The following PPP4R2 variants were observed in gnomAD, a reference collection of about 807,000 sequenced individuals.
PPP4R2 encodes the protein serine/threonine-protein phosphatase 4 regulatory subunit 2.
In PPP4R2, 13 loss-of-function variants were observed where a neutral mutation model predicts 47.2. The ratio of observed to expected loss-of-function variants is 0.28; its 90% confidence interval spans 0.18 to 0.44. The LOEUF (loss-of-function observed/expected upper bound fraction) is 0.44, where lower values mean the gene tolerates loss of function less well. PPP4R2 is among the 20% of genes least tolerant of loss of function. The pLI, the probability that PPP4R2 is intolerant of heterozygous loss-of-function variation, is 1.00. For synonymous variants in PPP4R2, 151 were observed against 163.3 expected, an observed-to-expected ratio of 0.92 and a Z score of 0.57; for missense variants, 421 against 491.2, an observed-to-expected ratio of 0.86 and a Z score of 1.35.
At chr3:73,038,990 CTT>C (rs1172262333) in intron 2 of PPP4R2, among the ~76,000 whole-genome samples, 2 of 152,090 alleles carry the variant, frequency 1.3e-5, no homozygotes, top group Non-Finnish European at 2.9e-5. Flanking sequence ...TTTGTCAAAA[CTT>C]TATTGTTTCA....
chr3:73,055,655 G>A (rs1702717315), intron 3 of PPP4R2, among the ~76,000 whole-genome samples: 1 of 135,506 alleles, frequency 7.4e-6, no homozygotes, highest in Non-Finnish European at 1.6e-5. Context: ...TCATTGCAGA[G>A]TAAACCAAAC....
chr3:73,054,229 T>C (rs1289922963), intron 3 of PPP4R2, among the ~76,000 whole-genome samples: 1 of 152,218 alleles, frequency 6.6e-6, no homozygotes, highest in Non-Finnish European at 1.5e-5. Context: ...ATTTCGCCTC[T>C]TTTAATAATG....
intron 2 of PPP4R2, among the ~76,000 whole-genome samples, chr3:73,008,295 G>A (rs6776239): frequency 0.38 from 58,347 of 151,798 alleles, 11,593 homozygotes; most frequent in African/African-American, 0.44. Context: ...TTTTGCTTCT[G>A]TATATTCCAG....
chr3:73,059,459 C>G (rs1460623712), intron 4 of PPP4R2, among the ~76,000 whole-genome samples: 1 of 152,154 alleles, frequency 6.6e-6, no homozygotes, highest in African/African-American at 2.4e-5. Flanking sequence ...TATAAACTTA[C>G]ACATGGAATT....
At chr3:73,011,150 A>G (rs2107225484) in intron 2 of PPP4R2, among the ~76,000 whole-genome samples, 1 of 152,260 alleles carries the variant, frequency 6.6e-6, no homozygotes, top group East Asian at 1.9e-4. Context: ...CTCTACTGTA[A>G]CAGTGCCAGA....
intron 2 of PPP4R2, among the ~76,000 whole-genome samples, chr3:72,999,490 T>G (rs1163958866): frequency 6.6e-6 from 1 of 152,206 alleles, no homozygotes; most frequent in Non-Finnish European, 1.5e-5. Flanking sequence ...GCATTTTACT[T>G]TTGGCTGTTT....
intron 2 of PPP4R2, among the ~76,000 whole-genome samples, chr3:73,036,062 T>C (rs1702255648): frequency 1.3e-5 from 2 of 152,262 alleles, no homozygotes; most frequent in East Asian, 3.9e-4. Flanking sequence ...AATTCAGATA[T>C]AAAAAGAATG....
intron 2 of PPP4R2, among the ~76,000 whole-genome samples, chr3:73,039,052 T>C (rs1216048611): frequency 6.6e-6 from 1 of 152,226 alleles, no homozygotes; most frequent in African/African-American, 2.4e-5. Context: ...CAAGAAAATA[T>C]GTAACACTTC....
chr3:73,020,043 T>C (rs1701926974), intron 2 of PPP4R2, among the ~76,000 whole-genome samples: 1 of 152,214 alleles, frequency 6.6e-6, no homozygotes, highest in Admixed American at 6.5e-5. Flanking sequence ...AATACAAATT[T>C]ACTGTCTTAG....
rs371146135 is a variant in PPP4R2, at chr3:73,045,896, G to A, written c.117-1290G>A. On this transcript the variant is annotated intron_variant, in intron 2 of 8. Transcript: ENST00000356692. ...AAAATAGCTAGTTCAGCTGGCAGCG[G>A]TCTAAATAAAGGTATTGTTCTTTGA... 4.3e-4 allele frequency among the ~76,000 whole-genome samples: 66 copies of A among 152,222 alleles called. No individual in the cohort carries two copies. In the South Asian group the frequency reaches 0.013, roughly 30 times the overall value.
At chr3:73,034,603 G>C (rs1311974435) in intron 2 of PPP4R2, among the ~76,000 whole-genome samples, 1 of 152,182 alleles carries the variant, frequency 6.6e-6, no homozygotes, top group African/African-American at 2.4e-5. Flanking sequence ...CACAGTCATA[G>C]CTCACTGCAG....
In PPP4R2 at chr3:73,065,967, G is replaced by GT; in HGVS notation, c.*248dup. Reference sequence around the variant, plus strand: ...TTTTTTTGGTCTGGGCAAATCAGTGGTTTGTGTATAGATTTTTTTTTTTTT... The same window carrying GT: ...TTTTTTTGGTCTGGGCAAATCAGTGGTTTTGTGTATAGATTTTTTTTTTTTT... On this transcript the variant is annotated 3_prime_UTR_variant, in exon 9 of 9. Coordinates refer to ENST00000356692, the MANE Select transcript of PPP4R2 (RefSeq NM_174907.4). The GT allele has an allele frequency of 3.6e-6, 1 of 276,524 alleles. No individual in the cohort carries two copies. The highest frequency in any genetic ancestry group is 5.9e-5 in the East Asian group (1 of 16,892). The allele number at this position is 276,524 out of a possible 1,614,324, so 17.1% of individuals were successfully genotyped here.
chr3:73,064,094 A>G lies in PPP4R2; in HGVS notation c.586A>G (p.Ser196Gly), dbSNP rs776534736. 6.2e-7 allele frequency: 1 copy of G among 1,613,540 alleles called. No individual in the cohort carries two copies. Among genetic ancestry groups the G allele is most frequent in the South Asian group, 1.1e-5 (1 of 90,948 alleles). The change falls in exon 7 of 9, where the codon AGC (serine) becomes GGC (glycine). Residue 196 changes from serine (S) to glycine (G), a missense_variant. This residue lies in a region of PPP4R2 where 317 missense variants were observed against 287.5 expected (regional missense o/e 1.10). Coordinates refer to ENST00000356692, the MANE Select transcript of PPP4R2 (RefSeq NM_174907.4). ...APMTTNGLPE[S>G]TDSKEANLQQ... The stretch of plus-strand genomic sequence containing the variant: ...CATGACAACAAATGGGTTGCCTGAG[A>G]GCACAGACAGCAAAGAGGCAAATTT...
intron 2 of PPP4R2, among the ~76,000 whole-genome samples, chr3:73,027,149 G>A (rs1262761187): frequency 6.6e-6 from 1 of 151,924 alleles, no homozygotes; most frequent in Non-Finnish European, 1.5e-5. Context: ...TTGTTTTTGA[G>A]ACAGAGTCTT....
At chr3:73,006,130 T>G (rs1701604781) in intron 2 of PPP4R2, among the ~76,000 whole-genome samples, 1 of 152,028 alleles carries the variant, frequency 6.6e-6, no homozygotes, top group African/African-American at 2.4e-5. Context: ...GCTTCTTCTA[T>G]TCAACATAGT....
At chr3:73,062,781 T>A in intron 5 of PPP4R2, 1 of 1,613,940 alleles carries the variant, frequency 6.2e-7, no homozygotes, top group South Asian at 1.1e-5. Context: ...GCTAATCAGC[T>A]GCAATGCAGA....
At chr3:73,000,442 C>T (rs368288057) in intron 2 of PPP4R2, among the ~76,000 whole-genome samples, 1 of 152,114 alleles carries the variant, frequency 6.6e-6, no homozygotes, top group Admixed American at 6.6e-5. Flanking sequence ...ATCAGTGACC[C>T]CCCAGGCTGC....
chr3:73,063,658 T>C lies in PPP4R2; in HGVS notation c.420-15T>C. 1 of 1,503,060 alleles carries C rather than the reference T, an allele frequency of 6.7e-7. No individual in the cohort carries two copies. Among genetic ancestry groups the C allele is most frequent in the Non-Finnish European group, 9.2e-7 (1 of 1,081,150 alleles). 93.1% of individuals were successfully genotyped at this position (1,503,060 alleles called of 1,614,324 possible). ...AAAATTAAGTCATCCACAAGTGTAT[T>C]TTCTTTTCTTATAGGAAAAACAATT... On this transcript the variant is annotated splice_polypyrimidine_tract_variant and intron_variant, in intron 5 of 8. Transcript: ENST00000356692.
chr3:73,016,367 G>A (rs1575848102), intron 2 of PPP4R2, among the ~76,000 whole-genome samples: 2 of 152,096 alleles, frequency 1.3e-5, no homozygotes. Flanking sequence ...GCATGCTGCC[G>A]GCATCTAGTG....
Sources: gnomAD v4.1 joint callset for allele counts (sites outside exome capture counted in the v4.1 genomes callset) on GRCh38, gnomAD v4.1.1 for gene constraint, gnomAD v4.1.1 regional missense constraint, MANE v1.5 for transcripts, NCBI Gene and HGNC (gene_info 2026-07-23, HGNC 2026-07-21) for gene names.